The following FGF13 variants were observed in gnomAD, a reference collection of about 807,000 sequenced individuals.
The protein encoded by FGF13 is fibroblast growth factor homologous factor 2.
FGF13 carries 2 observed loss-of-function variants against 19.5 expected under a neutral mutation model. That is an observed-to-expected ratio of 0.10 (90% CI 0.04 to 0.32). The LOEUF is 0.32. Among genes scored for constraint, FGF13 ranks in the 10% least tolerant of loss-of-function variants. The pLI is 1.00. For missense variants in FGF13, 113 were observed against 192.7 expected (o/e 0.59, Z 2.45); for synonymous variants, 72 against 76.9 (o/e 0.94, Z 0.33).
At chrX:139,154,608 T>C (rs1337856958) in intron 1 of FGF13, among the ~76,000 whole-genome samples, 1 of 111,997 alleles carries the variant, frequency 8.9e-6, no homozygotes, top group Non-Finnish European at 1.9e-5. Flanking sequence ...AAGCCCTTAA[T>C]AACAACAAAA....
intron 1 of FGF13, among the ~76,000 whole-genome samples, chrX:139,087,824 T>C (rs1364298610): frequency 8.9e-6 from 1 of 112,318 alleles, no homozygotes. Flanking sequence ...GTTTATTTGC[T>C]GGACAAAAAC....
chrX:138,981,560 C>T (rs190390833), intron 1 of FGF13, among the ~76,000 whole-genome samples: 33 of 111,154 alleles, frequency 3.0e-4, no homozygotes, highest in Admixed American at 1.1e-3. Flanking sequence ...TGTACATCAT[C>T]ATTCACCCAC....
chrX:139,193,001 A>C (rs933187194), intron 1 of FGF13, among the ~76,000 whole-genome samples: 4 of 112,040 alleles, frequency 3.6e-5, no homozygotes, highest in Admixed American at 9.4e-5. Context: ...CAGATGGCAC[A>C]TAGAAGGTTC....
chrX:138,963,953 T>C (rs1482021035), intron 1 of FGF13, among the ~76,000 whole-genome samples: 1 of 112,009 alleles, frequency 8.9e-6, no homozygotes, highest in African/African-American at 3.2e-5. Flanking sequence ...TAACAAATAC[T>C]TGTTGAGCAG....
At chrX:138,948,716 C>T (rs1050272139) in intron 1 of FGF13, among the ~76,000 whole-genome samples, 4 of 111,705 alleles carry the variant, frequency 3.6e-5, no homozygotes, top group African/African-American at 9.8e-5. Flanking sequence ...AATCAGTTTC[C>T]TAGCTTATAG....
At chrX:138,783,695 G>A (rs2090667083) in intron 3 of FGF13, among the ~76,000 whole-genome samples, 1 of 103,357 alleles carries the variant, frequency 9.7e-6, no homozygotes, top group African/African-American at 3.4e-5. Flanking sequence ...GGAGAAATAG[G>A]AACACTTTTA....
intron 1 of FGF13, among the ~76,000 whole-genome samples, chrX:139,003,344 T>C (rs780517424): frequency 9.0e-6 from 1 of 110,851 alleles, no homozygotes; most frequent in Non-Finnish European, 1.9e-5. Context: ...TCGCCGTGAG[T>C]GTTACAGCTC....
intron 1 of FGF13, among the ~76,000 whole-genome samples, chrX:139,195,755 TTG>T (rs2084366095): frequency 8.9e-6 from 1 of 112,567 alleles, no homozygotes; most frequent in Admixed American, 9.4e-5. Context: ...GTTCAAGGCG[TTG>T]TGTCTCTGTT....
At chrX:139,161,616 G>A (rs1183704541) in intron 1 of FGF13, among the ~76,000 whole-genome samples, 1 of 112,008 alleles carries the variant, frequency 8.9e-6, no homozygotes, top group Non-Finnish European at 1.9e-5. Context: ...AATTGTCTCT[G>A]TATGCACATG....
In FGF13 at chrX:139,122,369, G is replaced by A. The variant is rs764450207; in HGVS notation, c.-113+81047C>T. 5.4e-5 allele frequency among the ~76,000 whole-genome samples: 6 copies of A among 111,478 alleles called. No individual in the cohort carries two copies. In the South Asian group the frequency reaches 2.3e-3, roughly 43 times the overall value. On this transcript the variant is annotated intron_variant, in intron 1 of 2. Coordinates refer to the FGF13 transcript ENST00000421460. Reference sequence around the variant, plus strand: ...AGAACACATAGAAGTAAAGCTGTTAGACAGAAATCATAAGGAGGTGGATTC... The same window carrying A: ...AGAACACATAGAAGTAAAGCTGTTAAACAGAAATCATAAGGAGGTGGATTC...
At chrX:138,915,607 C>G (rs2091613959) in intron 1 of FGF13, among the ~76,000 whole-genome samples, 1 of 111,815 alleles carries the variant, frequency 8.9e-6, no homozygotes, top group Non-Finnish European at 1.9e-5. Flanking sequence ...TGTGTCTTAT[C>G]AACATCTGTT....
chrX:138,839,289 T>C (rs2091133444), intron 3 of FGF13, among the ~76,000 whole-genome samples: 1 of 110,620 alleles, frequency 9.0e-6, no homozygotes, highest in Non-Finnish European at 1.9e-5. Context: ...GCCAAATAAA[T>C]CATTAAAAAA....
At chrX:139,159,529 C>T (rs1481683711) in intron 1 of FGF13, among the ~76,000 whole-genome samples, 1 of 110,323 alleles carries the variant, frequency 9.1e-6, no homozygotes, top group Non-Finnish European at 1.9e-5. Flanking sequence ...AAGACACAGA[C>T]TGGCAAATTG....
At chrX:138,738,986 T>A (rs1254045410) in intron 1 of FGF13, among the ~76,000 whole-genome samples, 1 of 109,954 alleles carries the variant, frequency 9.1e-6, no homozygotes, top group Non-Finnish European at 1.9e-5. Flanking sequence ...GAAATACACA[T>A]TCAGTTTCCT....
Position 139,033,370 on chromosome X carries a change from G to A in FGF13, c.-112-168720C>T, listed in dbSNP as rs773794796. Among the ~76,000 whole-genome samples the A allele has an allele frequency of 2.3e-3, 261 of 111,807 alleles. 1 individual carries two copies. Among genetic ancestry groups the A allele is most frequent in the African/African-American group, 8.3e-3 (255 of 30,817 alleles). Reference sequence around the variant, plus strand: ...ACACTTATTCCATCCAATGAGGTAAGTCTTTCCTTGACATTTGGATTTAAT... The same window carrying A: ...ACACTTATTCCATCCAATGAGGTAAATCTTTCCTTGACATTTGGATTTAAT... On this transcript the variant is annotated intron_variant, in intron 1 of 2. Coordinates refer to the FGF13 transcript ENST00000421460.
chrX:139,163,205 T>A, intron 1 of FGF13, among the ~76,000 whole-genome samples: 1 of 112,053 alleles, frequency 8.9e-6, no homozygotes, highest in Non-Finnish European at 1.9e-5. Flanking sequence ...TGGTATACTA[T>A]GCAGCCATAA....
chrX:138,893,688 T>C (rs770311308), intron 1 of FGF13, among the ~76,000 whole-genome samples: 5 of 111,875 alleles, frequency 4.5e-5, no homozygotes, highest in Admixed American at 1.9e-4. Flanking sequence ...CCTATATTGG[T>C]AACACTTCAC....
intron 1 of FGF13, among the ~76,000 whole-genome samples, chrX:138,932,674 TAGAA>T (rs745570140): frequency 1.9e-5 from 2 of 102,990 alleles, no homozygotes; most frequent in African/African-American, 7.2e-5. Context: ...CAACTGAAAA[TAGAA>T]AGGGGAAAAA....
intron 3 of FGF13, among the ~76,000 whole-genome samples, chrX:138,846,325 A>T (rs2091183017): frequency 9.1e-6 from 1 of 109,763 alleles, no homozygotes; most frequent in Non-Finnish European, 1.9e-5. Context: ...CTGTGCCATT[A>T]TGAGAGCAAT....
Sources: allele counts gnomAD v4.1 joint callset (sites outside exome capture counted in the v4.1 genomes callset), GRCh38; gene constraint gnomAD v4.1.1; transcripts MANE v1.5; gene names NCBI Gene and HGNC (gene_info 2026-07-23, HGNC 2026-07-21).